The following DPYD variants were observed in gnomAD, a reference collection of about 807,000 sequenced individuals.
DPYD encodes the protein dihydropyrimidine dehydrogenase, also known as dihydropyrimidine dehydrogenase [NADP(+)].
DPYD carries 109 observed loss-of-function variants against 116.2 expected under a neutral mutation model. The ratio of observed to expected loss-of-function variants is 0.94; its 90% CI spans 0.80 to 1.10. The LOEUF is 1.10. DPYD is among the 50% of genes least tolerant of loss of function. The probability of loss-of-function intolerance (pLI) is 0.00; values close to 1 mark genes in which losing one functional copy is unlikely to be tolerated. For synonymous variants in DPYD, 440 were observed against 432.0 expected (o/e 1.02, Z -0.23); for missense variants, 1,302 against 1,254.5 (o/e 1.04, Z -0.57).
intron 13 of DPYD, among the ~76,000 whole-genome samples, chr1:97,468,732 C>T (rs140962285): frequency 9.2e-4 from 140 of 152,256 alleles, no homozygotes; most frequent in African/African-American, 3.2e-3. Context: ...TTGCAGACTC[C>T]TTGTCCTAAG....
intron 19 of DPYD, among the ~76,000 whole-genome samples, chr1:97,206,676 ATATATATAT>A (rs575872049): frequency 7.0e-5 from 7 of 100,514 alleles, no homozygotes; most frequent in African/African-American, 2.9e-4. Context: ...ATATATATAT[ATATATATAT>A]ATAATCTATA....
chr1:97,760,351 G>T (rs755471908), intron 3 of DPYD, among the ~76,000 whole-genome samples: 1 of 151,884 alleles, frequency 6.6e-6, no homozygotes, highest in Non-Finnish European at 1.5e-5. Context: ...TGATCCTCCC[G>T]TATCAGTGGG....
intron 1 of DPYD, among the ~76,000 whole-genome samples, chr1:97,902,280 T>G (rs1001244073): frequency 4.0e-5 from 6 of 151,694 alleles, no homozygotes; most frequent in Non-Finnish European, 7.4e-5. Flanking sequence ...ATCACCACAC[T>G]CATACAAAAA....
chr1:97,918,052 G>A lies in DPYD; in HGVS notation c.39+2832C>T, dbSNP rs556254166. ...CAGGAGAGTTTGTATTAAAGTCATC[G>A]TTGACAAAATTCAGACTGTATCCAA... On this transcript the variant is annotated intron_variant, in intron 1 of 22. Transcript: ENST00000370192. Among the ~76,000 whole-genome samples, 51 of 152,152 alleles carry A rather than the reference G, an allele frequency of 3.4e-4. No homozygotes were observed. In the South Asian group the frequency reaches 9.8e-3, roughly 29 times the overall value.
At chr1:97,208,820 G>T (rs1159760400) in intron 19 of DPYD, among the ~76,000 whole-genome samples, 1 of 152,084 alleles carries the variant, frequency 6.6e-6, no homozygotes, top group African/African-American at 2.4e-5. Context: ...GACCAAATGA[G>T]ATAAGAATTA....
chr1:97,605,682 T>C (rs2100735227), intron 8 of DPYD, among the ~76,000 whole-genome samples: 1 of 152,228 alleles, frequency 6.6e-6, no homozygotes, highest in East Asian at 1.9e-4. Context: ...CACAGTTATT[T>C]AAATTTTAAG....
intron 20 of DPYD, among the ~76,000 whole-genome samples, chr1:97,155,072 G>C (rs1347856004): frequency 6.6e-6 from 1 of 152,134 alleles, no homozygotes; most frequent in African/African-American, 2.4e-5. Context: ...CCGGTGGTGG[G>C]GTGAGGAGTC....
At chr1:97,585,607 A>G (rs2102227413) in intron 10 of DPYD, among the ~76,000 whole-genome samples, 1 of 152,338 alleles carries the variant, frequency 6.6e-6, no homozygotes, top group Non-Finnish European at 1.5e-5. Flanking sequence ...AACAATGACA[A>G]TTCTTTGTTT....
chr1:97,916,832 ACCC>A (rs1022228274), intron 1 of DPYD, among the ~76,000 whole-genome samples: 2 of 151,630 alleles, frequency 1.3e-5, no homozygotes, highest in African/African-American at 4.9e-5. Flanking sequence ...ATATACTGAG[ACCC>A]CCATCTCTAT....
intron 14 of DPYD, among the ~76,000 whole-genome samples, chr1:97,447,040 T>C (rs997046825): frequency 2.6e-5 from 4 of 152,126 alleles, no homozygotes; most frequent in Non-Finnish European, 4.4e-5. Context: ...CCTCACAATA[T>C]ATTTCAGAGG....
chr1:97,571,742 T>C (rs2102174514), intron 11 of DPYD, among the ~76,000 whole-genome samples: 1 of 152,074 alleles, frequency 6.6e-6, no homozygotes. Flanking sequence ...TTGCTTCCAA[T>C]AAAATGCTTT....
chr1:97,277,382 AAAG>A (rs957000278), intron 18 of DPYD, among the ~76,000 whole-genome samples: 4 of 151,976 alleles, frequency 2.6e-5, no homozygotes, highest in African/African-American at 9.7e-5. Context: ...TTAAAAAAAA[AAAG>A]AGAACACAAA....
chr1:97,554,288 A>G (rs569478571), intron 11 of DPYD, among the ~76,000 whole-genome samples: 353 of 152,272 alleles, frequency 2.3e-3, no homozygotes, highest in Non-Finnish European at 3.8e-3. Flanking sequence ...GTTTTTATAA[A>G]AAGATGTCAA....
intron 6 of DPYD, 77 bp downstream of exon 6, chr1:97,699,274 T>C: frequency 6.9e-7 from 1 of 1,448,602 alleles, no homozygotes; most frequent in Non-Finnish European, 9.7e-7. Context: ...CCTATATGAT[T>C]ATGAACCAAC....
chr1:97,607,115 A>C lies in DPYD; in HGVS notation c.851-11949T>G, dbSNP rs1234574848. Among the ~76,000 whole-genome samples the C allele has an allele frequency of 2.0e-5, 3 of 152,062 alleles. 1 individual carries two copies. In the South Asian group the frequency reaches 6.2e-4, roughly 31 times the overall value. On this transcript the variant is annotated intron_variant, in intron 8 of 22. Coordinates refer to ENST00000370192, the MANE Select transcript of DPYD (RefSeq NM_000110.4). ...AGGTATGTTTTCATTCTCTTCTCCT[A>C]TTACAGTAACTTAAATGAGAAAAAA...
Position 97,840,245 on chromosome 1 carries a change from C to CA in DPYD, c.151-12050dup, listed in dbSNP as rs200667091. 4.9e-3 allele frequency among the ~76,000 whole-genome samples: 729 copies of CA among 149,888 alleles called. 3 individuals are homozygous for CA. Among genetic ancestry groups the CA allele is most frequent in the African/African-American group, 0.016 (673 of 40,874 alleles). Reference sequence around the variant, plus strand: ...ATAAAGTGTTTTTTTAAATGCACGACAAAAAAAAACCCAGAACACCCTCTC... The same window carrying CA: ...ATAAAGTGTTTTTTTAAATGCACGACAAAAAAAAAACCCAGAACACCCTCTC... On this transcript the variant is annotated intron_variant, in intron 2 of 22. Transcript: ENST00000370192.
At chr1:97,436,043 G>T (rs956831670) in intron 14 of DPYD, among the ~76,000 whole-genome samples, 1 of 151,956 alleles carries the variant, frequency 6.6e-6, no homozygotes, top group Non-Finnish European at 1.5e-5. Flanking sequence ...TTACAAATTA[G>T]CAGATTAAAT....
chr1:97,103,103 T>A (rs1650868485), intron 20 of DPYD, among the ~76,000 whole-genome samples: 1 of 152,042 alleles, frequency 6.6e-6, no homozygotes, highest in Admixed American at 6.6e-5. Context: ...AATAAAGTAA[T>A]CCAGGTAAAG....
intron 13 of DPYD, among the ~76,000 whole-genome samples, chr1:97,490,876 C>G (rs555621396): frequency 4.0e-5 from 6 of 150,118 alleles, no homozygotes; most frequent in African/African-American, 1.5e-4. Flanking sequence ...GATGGCTACA[C>G]CTTTCACTAA....
Sources: allele counts gnomAD v4.1 joint callset (sites outside exome capture counted in the v4.1 genomes callset), GRCh38; gene constraint gnomAD v4.1.1; transcripts MANE v1.5; gene names NCBI Gene and HGNC (gene_info 2026-07-23, HGNC 2026-07-21).